Variants in GDPD4 observed in about 807,000 individuals in gnomAD.
The protein encoded by GDPD4 is glycerophosphodiester phosphodiesterase 6.
In GDPD4, 60 loss-of-function variants were observed where a neutral mutation model predicts 67.8. That is an observed-to-expected ratio of 0.88 (90% CI 0.72 to 1.10). The LOEUF is 1.10. GDPD4 is among the 50% of genes least tolerant of loss of function. The pLI, the probability that GDPD4 is intolerant of heterozygous loss-of-function variation, is 0.00. For missense variants in GDPD4, 623 were observed against 613.9 expected (o/e 1.01, Z -0.16); for synonymous variants, 212 against 210.9 (o/e 1.00, Z -0.04).
At chr11:77,243,947 T>C (rs945669106) in intron 12 of GDPD4, 99 bp from the exon 13 acceptor site, 1 of 749,366 alleles carries the variant, frequency 1.3e-6, no homozygotes, top group Non-Finnish European at 2.3e-6. Flanking sequence ...GCACAGGTAG[T>C]ATTCTACAGA....
chr11:77,273,082 T>G (rs1455353417), intron 5 of GDPD4, among the ~76,000 whole-genome samples: 1 of 152,194 alleles, frequency 6.6e-6, no homozygotes, highest in Non-Finnish European at 1.5e-5. Flanking sequence ...TATATCCTGC[T>G]AGAAATTTTT....
intron 16 of GDPD4, among the ~76,000 whole-genome samples, chr11:77,219,761 A>AGTATCG (rs1565502070): frequency 6.6e-6 from 1 of 151,520 alleles, no homozygotes; most frequent in Non-Finnish European, 1.5e-5. Flanking sequence ...TACCAGTACC[A>AGTATCG]TGCTGTTTTG....
At chr11:77,288,365 A>G (rs544140559) in intron 1 of GDPD4, among the ~76,000 whole-genome samples, 114 of 152,204 alleles carry the variant, frequency 7.5e-4, no homozygotes, top group Non-Finnish European at 1.4e-3. Flanking sequence ...TCGACCTGCT[A>G]ACACCAGTGC....
chr11:77,242,929 A>AC (rs1958699561), intron 13 of GDPD4, among the ~76,000 whole-genome samples: 1 of 58,734 alleles, frequency 1.7e-5, no homozygotes, highest in African/African-American at 3.8e-5. Context: ...TCTATTATCT[A>AC]TAATCTATTA....
At chr11:77,256,630 G>C (rs187611467) in intron 11 of GDPD4, among the ~76,000 whole-genome samples, 4 of 152,292 alleles carry the variant, frequency 2.6e-5, no homozygotes, top group Admixed American at 2.6e-4. Flanking sequence ...AGAGGCATTT[G>C]GGTCATGGGG....
intron 10 of GDPD4, among the ~76,000 whole-genome samples, chr11:77,264,455 GGAA>G (rs1959168393): frequency 6.6e-6 from 1 of 151,992 alleles, no homozygotes; most frequent in African/African-American, 2.4e-5. Context: ...AGGCAAGAAG[GGAA>G]GAAGGAGCCA....
chr11:77,286,163 T>C (rs1181286518), intron 2 of GDPD4, among the ~76,000 whole-genome samples: 2 of 152,184 alleles, frequency 1.3e-5, no homozygotes. Context: ...TCCAAACTCA[T>C]TATGCCCTTT....
chr11:77,282,984 C>A (rs1959828879), intron 3 of GDPD4, among the ~76,000 whole-genome samples: 1 of 152,156 alleles, frequency 6.6e-6, no homozygotes, highest in African/African-American at 2.4e-5. Flanking sequence ...ACAAAATAGT[C>A]TTCAAGTTAA....
chr11:77,261,683 T>C (rs1228552779), intron 10 of GDPD4, among the ~76,000 whole-genome samples: 2 of 152,254 alleles, frequency 1.3e-5, no homozygotes, highest in Non-Finnish European at 2.9e-5. Context: ...AGCTGTTTAA[T>C]GGGACTGGGC....
In GDPD4 at chr11:77,227,835, A is replaced by T. The variant is rs776960445; in HGVS notation, c.1525+29T>A. ...GGAAGCAATGGGTAGGGATGAAGAG[A>T]CAGGAGTGGGCTAGGCCTCTGACTT... On this transcript the variant is annotated intron_variant, in intron 16 of 16. Transcript: ENST00000315938. 7.0e-6 allele frequency: 11 copies of T among 1,571,788 alleles called. No homozygotes were observed. The East Asian group carries it at 2.0e-4, about 29-fold the overall frequency.
intron 13 of GDPD4, among the ~76,000 whole-genome samples, chr11:77,238,862 G>A (rs958313791): frequency 4.6e-5 from 7 of 152,082 alleles, no homozygotes; most frequent in Non-Finnish European, 7.4e-5. Flanking sequence ...GCATTACCTT[G>A]ATACCAAAGC....
chr11:77,233,827 T>C (rs1591533912), intron 13 of GDPD4, among the ~76,000 whole-genome samples: 1 of 152,130 alleles, frequency 6.6e-6, no homozygotes, highest in African/African-American at 2.4e-5. Flanking sequence ...AATAAATGAG[T>C]ACCAATCTGG....
intron 3 of GDPD4, among the ~76,000 whole-genome samples, chr11:77,281,728 T>G (rs956548750): frequency 1.3e-5 from 2 of 152,156 alleles, no homozygotes; most frequent in Admixed American, 6.5e-5. Context: ...CTTACAGGGT[T>G]ACATTCTAGG....
intron 9 of GDPD4, 38 bp from the exon 10 acceptor site, chr11:77,268,577 G>A: frequency 1.4e-6 from 2 of 1,450,986 alleles, no homozygotes; most frequent in Non-Finnish European, 1.9e-6. Context: ...AAGCCTCAGA[G>A]TCTCTCCTCC....
intron 3 of GDPD4, among the ~76,000 whole-genome samples, chr11:77,283,776 G>A (rs924703992): frequency 1.3e-5 from 2 of 151,432 alleles, no homozygotes; most frequent in Non-Finnish European, 2.9e-5. Context: ...AATATTTAAT[G>A]CTGTCATATA....
At chr11:77,244,917 T>C (rs920217793) in intron 12 of GDPD4, among the ~76,000 whole-genome samples, 4 of 152,188 alleles carry the variant, frequency 2.6e-5, no homozygotes, top group Non-Finnish European at 5.9e-5. Flanking sequence ...TTCTATATCA[T>C]TCATCATGCC....
At chr11:77,257,106 A>T (rs1407094719) in intron 11 of GDPD4, among the ~76,000 whole-genome samples, 1 of 152,096 alleles carries the variant, frequency 6.6e-6, no homozygotes, top group Non-Finnish European at 1.5e-5. Context: ...TCCTAATTAC[A>T]CTACTACCGT....
chr11:77,245,224 T>C (rs1958756012), intron 12 of GDPD4, 57 bp downstream of exon 12: 2 of 1,314,692 alleles, frequency 1.5e-6, no homozygotes, highest in Non-Finnish European at 2.2e-6. Context: ...ACTACTGTGC[T>C]CCTAGGACAT....
intron 3 of GDPD4, among the ~76,000 whole-genome samples, chr11:77,283,446 T>C (rs947195109): frequency 2.0e-5 from 3 of 152,168 alleles, no homozygotes; most frequent in Non-Finnish European, 4.4e-5. Flanking sequence ...GGCAGAAAGA[T>C]TTGGATATTA....
Sources: allele counts gnomAD v4.1 joint callset (sites outside exome capture counted in the v4.1 genomes callset), GRCh38; gene constraint gnomAD v4.1.1; transcripts MANE v1.5; gene names NCBI Gene and HGNC (gene_info 2026-07-23, HGNC 2026-07-21).